Variants in NFAT5 observed in about 807,000 individuals in gnomAD.
NFAT5 encodes nuclear factor of activated T-cells 5.
Under a neutral mutation model 166.5 loss-of-function variants are expected in NFAT5, and 31 were observed. That is an observed-to-expected ratio of 0.19 (90% CI 0.14 to 0.25). NFAT5 has a LOEUF of 0.25. Ranked by LOEUF, NFAT5 falls within the 10% of genes least tolerant of loss-of-function variation. The probability of loss-of-function intolerance (pLI) is 1.00; values close to 1 mark genes in which losing one functional copy is unlikely to be tolerated. For synonymous variants in NFAT5, 612 were observed against 639.7 expected, an observed-to-expected ratio of 0.96 and a Z score of 0.65; for missense variants, 1,449 against 1,821.8, an observed-to-expected ratio of 0.80 and a Z score of 3.72.
At chr16:69,612,904 A>G (rs2033769298) in intron 2 of NFAT5, among the ~76,000 whole-genome samples, 2 of 150,162 alleles carry the variant, frequency 1.3e-5, no homozygotes, top group African/African-American at 5.0e-5. Flanking sequence ...GACAGATTTG[A>G]TATAAAAAAC....
chr16:69,634,648 G>A (rs2034875565), intron 3 of NFAT5, among the ~76,000 whole-genome samples: 4 of 152,034 alleles, frequency 2.6e-5, no homozygotes, highest in Admixed American at 2.0e-4. Flanking sequence ...GAATGAGAAA[G>A]CACCTCAAAG....
rs199818366 is a variant in NFAT5 at position 69,697,939 on chromosome 16, C to CTTTTTTTTTT, written c.*1596_*1605dup. 5.3e-5 allele frequency: 7 copies of CTTTTTTTTTT among 131,452 alleles called. No homozygotes were observed. Among genetic ancestry groups the CTTTTTTTTTT allele is most frequent in the Non-Finnish European group, 8.1e-5 (5 of 61,454 alleles). The allele number at this position is 131,452 out of a possible 1,614,324, so 8.1% of individuals were successfully genotyped here. ...AATTGTTGAAGGCTACTTTTCTGTT[C>CTTTTTTTTTT]TTTTTTTTTTTTTTTTTCTATCCTG... On this transcript the variant is annotated 3_prime_UTR_variant, in exon 15 of 15. Transcript: ENST00000349945.
intron 2 of NFAT5, among the ~76,000 whole-genome samples, chr16:69,577,565 C>T (rs2016829369): frequency 6.6e-6 from 1 of 152,010 alleles, no homozygotes; most frequent in South Asian, 2.1e-4. Context: ...TGTATAGACC[C>T]ATTTATGTGA....
chr16:69,571,997 C>T (rs1465996989), intron 2 of NFAT5, among the ~76,000 whole-genome samples: 1 of 151,928 alleles, frequency 6.6e-6, no homozygotes, highest in Non-Finnish European at 1.5e-5. Context: ...CTCCTGATCT[C>T]GTGATCCGCC....
chr16:69,647,899 C>T lies in NFAT5; in HGVS notation c.812+313C>T, dbSNP rs566740075. Among the ~76,000 whole-genome samples, 187 of 152,032 alleles carry T rather than the reference C, an allele frequency of 1.2e-3. No individual in the cohort carries two copies. Among genetic ancestry groups the T allele is most frequent in the African/African-American group, 4.3e-3 (179 of 41,490 alleles). ...AAAAGGACTTTTACTCAGCCAGGTG[C>T]GGTGGCTCACACCTGTAATCCCAGC... On this transcript the variant is annotated intron_variant, in intron 4 of 14. Transcript: ENST00000349945. The surrounding 1 kb of genome is among the most constrained non-coding windows in gnomAD (Gnocchi z 4.8).
intron 9 of NFAT5, 21 bp from the exon 10 acceptor site, chr16:69,677,182 T>C (rs767655302): frequency 6.3e-7 from 1 of 1,594,336 alleles, no homozygotes; most frequent in Non-Finnish European, 8.5e-7. Context: ...TTTCCAACTC[T>C]TGTGCTTTTC....
At chr16:69,670,974 G>C (rs2036599377) in intron 9 of NFAT5, among the ~76,000 whole-genome samples, 1 of 152,180 alleles carries the variant, frequency 6.6e-6, no homozygotes, top group Non-Finnish European at 1.5e-5. Context: ...AGTGTAAGCT[G>C]ATGGGGAAAG....
chr16:69,579,570 G>A (rs2031534821), intron 2 of NFAT5, among the ~76,000 whole-genome samples: 1 of 151,672 alleles, frequency 6.6e-6, no homozygotes, highest in Admixed American at 6.6e-5. Flanking sequence ...TGTAAACTAT[G>A]GTAAATAAAA....
Position 69,647,263 on chromosome 16 carries a change from A to AC in NFAT5, c.491dup (p.Pro165ThrfsTer3). On this transcript the variant is annotated frameshift_variant, in exon 4 of 15. Coordinates refer to ENST00000349945, the MANE Select transcript of NFAT5 (RefSeq NM_138713.4). LOFTEE classifies it high-confidence loss of function. This position sits in a 1 kb window ranked among gnomAD's most constrained non-coding sequence, Gnocchi z 4.8. ...AGAGGCACACAGTCTTGTACATCTCACCACCACCTGAGGACTTGCTGGATA... is the reference window on the plus strand; with the variant it reads ...AGAGGCACACAGTCTTGTACATCTCACCCACCACCTGAGGACTTGCTGGATA... The AC allele has an allele frequency of 6.2e-7, 1 of 1,612,994 alleles. No homozygotes were observed. Among genetic ancestry groups the AC allele is most frequent in the Non-Finnish European group, 8.5e-7 (1 of 1,178,980 alleles).
At chr16:69,599,450 G>A (rs1475192962) in intron 2 of NFAT5, among the ~76,000 whole-genome samples, 1 of 152,184 alleles carries the variant, frequency 6.6e-6, no homozygotes, top group Non-Finnish European at 1.5e-5. Context: ...GGTGGCGCGT[G>A]CCTGTAATCC....
intron 2 of NFAT5, among the ~76,000 whole-genome samples, chr16:69,581,476 G>A (rs1427077761): frequency 2.0e-5 from 3 of 152,062 alleles, no homozygotes; most frequent in Non-Finnish European, 4.4e-5. Context: ...GGAATTATTG[G>A]GTCATATGGT....
chr16:69,668,165 A>C (rs1308435170), intron 7 of NFAT5, among the ~76,000 whole-genome samples: 1 of 151,976 alleles, frequency 6.6e-6, no homozygotes, highest in African/African-American at 2.4e-5. Flanking sequence ...ATGGGGTTTC[A>C]CCATGTTGGC....
At chr16:69,650,363 T>C (rs919464046) in intron 4 of NFAT5, among the ~76,000 whole-genome samples, 3 of 152,068 alleles carry the variant, frequency 2.0e-5, no homozygotes, top group African/African-American at 7.2e-5. Flanking sequence ...GTTTTCATGG[T>C]TTTACATGTC....
chr16:69,606,941 C>T (rs17297088), intron 2 of NFAT5, among the ~76,000 whole-genome samples: 8,960 of 152,188 alleles, frequency 0.059, 286 homozygotes, highest in Middle Eastern at 0.11. Flanking sequence ...CATCAGATTG[C>T]CTTTGGAATA....
chr16:69,576,130 G>A lies in NFAT5; in HGVS notation c.127+7582G>A, dbSNP rs570901852. On this transcript the variant is annotated intron_variant, in intron 2 of 14. Coordinates refer to ENST00000349945, the MANE Select transcript of NFAT5 (RefSeq NM_138713.4). ...ATCCTGGCCAACATGGTGAAACCCC[G>A]TCTCTACTAAAAAAATACAAAAAAA... Among the ~76,000 whole-genome samples, 356 of 151,500 alleles carry A rather than the reference G, an allele frequency of 2.3e-3. 5 individuals are homozygous for A. The highest frequency in any genetic ancestry group is 8.0e-3 in the African/African-American group (329 of 41,326).
intron 10 of NFAT5, among the ~76,000 whole-genome samples, chr16:69,680,364 A>T (rs975476238): frequency 1.3e-5 from 2 of 152,158 alleles, no homozygotes; most frequent in African/African-American, 4.8e-5. Context: ...TCTTGTCTTC[A>T]CTTGTTTCTT....
intron 13 of NFAT5, among the ~76,000 whole-genome samples, chr16:69,694,620 G>A (rs2037698227): frequency 1.3e-5 from 2 of 152,310 alleles, no homozygotes; most frequent in South Asian, 4.1e-4. Flanking sequence ...ATAAGATCTT[G>A]TACAAGTTAT....
intron 7 of NFAT5, among the ~76,000 whole-genome samples, chr16:69,660,527 A>G (rs1358189157): frequency 6.6e-6 from 1 of 152,134 alleles, no homozygotes; most frequent in Non-Finnish European, 1.5e-5. Flanking sequence ...CTGTGGTTCT[A>G]ACTGTTTTGT....
chr16:69,585,100 C>T (rs143902379), intron 2 of NFAT5, among the ~76,000 whole-genome samples: 8,962 of 151,818 alleles, frequency 0.059, 288 homozygotes, highest in Middle Eastern at 0.11. Flanking sequence ...CGGGTTGAAG[C>T]GATTCTCCTG....
Sources: allele counts gnomAD v4.1 joint callset (sites outside exome capture counted in the v4.1 genomes callset), GRCh38; gene constraint gnomAD v4.1.1; non-coding constraint Gnocchi (gnomAD v3.1); transcripts MANE v1.5; gene names NCBI Gene and HGNC (gene_info 2026-07-23, HGNC 2026-07-21).